Variants in ELOA observed in about 807,000 individuals in gnomAD.
ELOA encodes elongin A.
A neutral mutation model predicts 85.2 loss-of-function variants in ELOA; 15 were observed. The observed-to-expected ratio is 0.18, with a 90% CI of 0.12 to 0.27. ELOA has a LOEUF of 0.27. ELOA is among the 10% of genes least tolerant of loss of function. The pLI is 1.00. For synonymous variants in ELOA, 348 were observed against 357.2 expected, an observed-to-expected ratio of 0.97 and a Z score of 0.29; for missense variants, 769 against 952.7, an observed-to-expected ratio of 0.81 and a Z score of 2.54.
chr1:23,744,424 G>A (rs1018712384), intron 1 of ELOA, among the ~76,000 whole-genome samples: 13 of 151,972 alleles, frequency 8.6e-5, no homozygotes, highest in Admixed American at 7.9e-4. Flanking sequence ...TGGTCTCCAG[G>A]AGACAGTCTG....
chr1:23,752,429 T>C lies in ELOA; in HGVS notation c.1448T>C (p.Leu483Ser). Reference protein sequence around the residue: ...LRKVPDVLPVLPDLPLPAIQA... With the variant: ...LRKVPDVLPVSPDLPLPAIQA... ...CAGGTGCCTGATGTGTTGCCAGTGT[T>C]GCCAGACCTCCCGTTACCCGCGATA... is the stretch of plus-strand genomic sequence containing the variant. Residue 483 changes from leucine (L) to serine (S), a missense_variant, in exon 5 of 11, where the codon TTG becomes TCG. This residue lies in a region of ELOA where 193 missense variants were observed against 278.9 expected (regional missense o/e 0.69). Coordinates refer to ENST00000613537, the MANE Select transcript of ELOA (RefSeq NM_003198.3). The C allele has an allele frequency of 6.2e-7, 1 of 1,614,128 alleles. No individual in the cohort carries two copies. Among genetic ancestry groups the C allele is most frequent in the Non-Finnish European group, 8.5e-7 (1 of 1,179,984 alleles).
intron 1 of ELOA, among the ~76,000 whole-genome samples, chr1:23,748,219 A>G (rs1489240860): frequency 6.6e-6 from 1 of 152,200 alleles, no homozygotes; most frequent in African/African-American, 2.4e-5. Context: ...CTGAATCCTC[A>G]TAGTTTGTGA....
rs1349361180 is a variant in ELOA at position 23,751,252 on chromosome 1, A to T, written c.647A>T (p.Asn216Ile). The T allele has an allele frequency of 1.2e-5, 20 of 1,614,106 alleles. No homozygotes were observed. The highest frequency in any genetic ancestry group is 1.6e-5 in the Non-Finnish European group (19 of 1,180,050). ...CAGAAGCCTGGGAAAGGCCACAGCA[A>T]TGCCTTTCAGGACAGACTCGGGGCC... ...SHQKPGKGHS[N>I]AFQDRLGASQ... The change falls in exon 4 of 11, where the codon AAT becomes ATT. Residue 216 changes from asparagine to isoleucine, a missense_variant. This residue lies in a region of ELOA where 440 missense variants were observed against 474.0 expected (regional missense o/e 0.93). Coordinates refer to ENST00000613537, the MANE Select transcript of ELOA (RefSeq NM_003198.3).
Position 23,754,231 on chromosome 1 carries a change from C to A in ELOA, c.1669C>A (p.Arg557=), listed in dbSNP as rs749384778. 5 of 1,614,154 alleles carry A rather than the reference C, an allele frequency of 3.1e-6. No individual in the cohort carries two copies. The East Asian group carries it at 1.1e-4, about 36-fold the overall frequency. The change falls in exon 6 of 11, where the codon CGA becomes AGA. Residue 557 remains arginine (R), a synonymous_variant. Transcript: ENST00000613537. ...KMMTLHQQCI[R]VLKNNIDSIF... ...GATGACCTTGCACCAGCAATGCATC[C>A]GAGTACTTAAAAACAACATCGATTG...
chr1:23,755,165 A>G (rs1010844044), intron 7 of ELOA, among the ~76,000 whole-genome samples: 1 of 152,074 alleles, frequency 6.6e-6, no homozygotes, highest in Admixed American at 6.6e-5. Flanking sequence ...GCATGAGCCA[A>G]CGCGCCTGGC....
Position 23,751,955 on chromosome 1 carries a change from A to G in ELOA, c.1350A>G (p.Ser450=). Residue 450 remains serine (S), a synonymous_variant, in exon 4 of 11, where the codon TCA becomes TCG. Coordinates refer to ENST00000613537, the MANE Select transcript of ELOA (RefSeq NM_003198.3). Reference sequence around the variant, plus strand: ...AAAGCACTGGTAAAAACTTGGACTCAGTTCAGAAATTACCCAAGGTGAACA... The same window carrying G: ...AAAGCACTGGTAAAAACTTGGACTCGGTTCAGAAATTACCCAAGGTGAACA... ...DSKSTGKNLD[S]VQKLPKVNKT... is the part of the protein sequence containing the mutation. 6.2e-7 allele frequency: 1 copy of G among 1,612,270 alleles called. No homozygotes were observed.
Position 23,751,071 on chromosome 1 carries a change from A to G in ELOA, c.466A>G (p.Lys156Glu), listed in dbSNP as rs773596568. The change falls in exon 4 of 11, where the codon AAG becomes GAG. Residue 156 changes from lysine to glutamate, a missense_variant. Lys to Glu is a moderately conservative substitution (Grantham distance 56). Transcript: ENST00000613537. ...SHGHERRDER[K>E]RCHRMSPTYS... ...CGGTCATGAGAGGAGAGATGAGAGA[A>G]AGAGGTGTCACAGAATGTCACCAAC... The G allele has an allele frequency of 3.1e-6, 5 of 1,614,094 alleles. No individual in the cohort carries two copies. In the South Asian group the frequency reaches 5.5e-5, roughly 18 times the overall value.
At chr1:23,744,256 G>C (rs1188521825) in intron 1 of ELOA, 1 of 152,230 alleles carries the variant, frequency 6.6e-6, no homozygotes, top group Non-Finnish European at 1.5e-5. Context: ...TTTCCTTTTG[G>C]CCATTAATAG....
chr1:23,751,610 A>G lies in ELOA; in HGVS notation c.1005A>G (p.Lys335=). 6.2e-7 allele frequency: 1 copy of G among 1,614,220 alleles called. No homozygotes were observed. The highest frequency in any genetic ancestry group is 8.5e-7 in the Non-Finnish European group (1 of 1,180,050). Residue 335 remains lysine, a synonymous_variant, in exon 4 of 11, where the codon AAA becomes AAG. Transcript: ENST00000613537. ...LKKPKHRDPE[K]AKLDKSKQGL... is the part of the protein sequence containing the mutation. ...AGCCAAAGCACAGAGACCCAGAGAAAGCCAAATTGGACAAAAGCAAGCAAG... is the reference window on the plus strand; with the variant it reads ...AGCCAAAGCACAGAGACCCAGAGAAGGCCAAATTGGACAAAAGCAAGCAAG...
intron 5 of ELOA, among the ~76,000 whole-genome samples, chr1:23,753,519 A>C (rs1370000125): frequency 6.6e-6 from 1 of 152,154 alleles, no homozygotes; most frequent in Non-Finnish European, 1.5e-5. Context: ...AAAGAAGTAG[A>C]AGCCACATAA....
intron 7 of ELOA, among the ~76,000 whole-genome samples, chr1:23,755,486 A>C (rs1447595129): frequency 6.6e-6 from 1 of 152,172 alleles, no homozygotes; most frequent in East Asian, 1.9e-4. Flanking sequence ...TTAAATAATC[A>C]GAAAAAGATA....
chr1:23,745,563 T>A (rs1409680547), intron 1 of ELOA, among the ~76,000 whole-genome samples: 1 of 151,984 alleles, frequency 6.6e-6, no homozygotes, highest in Non-Finnish European at 1.5e-5. Context: ...AAAATCACCC[T>A]GAACTTCTAG....
chr1:23,756,857 A>G (rs968044392), intron 9 of ELOA, 96 bp from the exon 10 acceptor site: 1 of 1,268,596 alleles, frequency 7.9e-7, no homozygotes, highest in Non-Finnish European at 1.0e-6. Context: ...AGCCACAAAC[A>G]GGGTGAGTCA....
chr1:23,746,428 T>C (rs1169921659), intron 1 of ELOA, among the ~76,000 whole-genome samples: 1 of 151,282 alleles, frequency 6.6e-6, no homozygotes. Flanking sequence ...GCCAACATGA[T>C]GAAACCCCAT....
At chr1:23,750,368 G>A (rs936023592) in intron 3 of ELOA, among the ~76,000 whole-genome samples, 2 of 151,846 alleles carry the variant, frequency 1.3e-5, no homozygotes, top group Admixed American at 1.3e-4. Context: ...GTAGAGACAG[G>A]GTTTCGCCGT....
chr1:23,751,855 G>C lies in ELOA; in HGVS notation c.1250G>C (p.Arg417Pro). The change falls in exon 4 of 11, where the codon CGG (arginine) becomes CCG (proline). Residue 417 changes from arginine (R) to proline (P), a missense_variant. By Grantham distance (103) the Arg-to-Pro change is moderately radical. This residue lies in a region of ELOA where 193 missense variants were observed against 278.9 expected (regional missense o/e 0.69). Transcript: ENST00000613537. ...TCCTACCTCAGCTATGACCAGCCCC[G>C]GAAGAAAAAGAAAAAGATTGTGAAA... is the stretch of plus-strand genomic sequence containing the variant. The part of the protein sequence containing the change: ...FESYLSYDQP[R>P]KKKKKIVKTS... 1 of 1,613,630 alleles carries C rather than the reference G, an allele frequency of 6.2e-7. No homozygotes were observed. Among genetic ancestry groups the C allele is most frequent in the Non-Finnish European group, 8.5e-7 (1 of 1,179,956 alleles).
chr1:23,754,653 C>T (rs1644786830), intron 7 of ELOA, among the ~76,000 whole-genome samples, 193 bp downstream of exon 7: 1 of 152,192 alleles, frequency 6.6e-6, no homozygotes, highest in Admixed American at 6.5e-5. Context: ...TTAAGTGGGC[C>T]TCTTGGGCTA....
chr1:23,756,061 A>C (rs776404942), intron 8 of ELOA, 38 bp downstream of exon 8: 2 of 1,602,010 alleles, frequency 1.2e-6, no homozygotes, highest in South Asian at 2.2e-5. Flanking sequence ...AACTGGCAGG[A>C]TGAGTGTTCT....
At chr1:23,758,058 A>G (rs1638226014) in intron 10 of ELOA, among the ~76,000 whole-genome samples, 1 of 151,554 alleles carries the variant, frequency 6.6e-6, no homozygotes, top group African/African-American at 2.4e-5. Context: ...ATAAATAAAT[A>G]TCATTGTGAA....
Sources: allele counts gnomAD v4.1 joint callset (sites outside exome capture counted in the v4.1 genomes callset), GRCh38; gene constraint gnomAD v4.1.1; regional missense constraint gnomAD v4.1.1; transcripts MANE v1.5; gene names NCBI Gene and HGNC (gene_info 2026-07-23, HGNC 2026-07-21).